PDE3A: variants seen among roughly 807,000 people sequenced by gnomAD.
The protein encoded by PDE3A is cGMP-inhibited 3',5'-cyclic phosphodiesterase 3A.
In PDE3A, 43 loss-of-function variants were observed where a neutral mutation model predicts 98.3. The observed-to-expected ratio is 0.44, with a 90% CI of 0.34 to 0.56. The LOEUF is 0.56. Ranked by LOEUF, PDE3A falls within the 20% of genes least tolerant of loss-of-function variation. The pLI, the probability that PDE3A is intolerant of heterozygous loss-of-function variation, is 0.01. For missense variants in PDE3A, 1,427 were observed against 1,440.7 expected (o/e 0.99, Z 0.15); for synonymous variants, 663 against 567.9 (o/e 1.17, Z -2.38).
At chr12:20,518,899 A>G (rs564307012) in intron 1 of PDE3A, among the ~76,000 whole-genome samples, 5 of 152,338 alleles carry the variant, frequency 3.3e-5, no homozygotes, top group African/African-American at 1.2e-4. Context: ...TATTGCATCC[A>G]TGAAGTGTAA....
chr12:20,548,740 C>A (rs957246222), intron 1 of PDE3A, among the ~76,000 whole-genome samples: 1 of 152,100 alleles, frequency 6.6e-6, no homozygotes, highest in African/African-American at 2.4e-5. Context: ...GTTTCTATTT[C>A]TTTTCCTCAT....
intron 1 of PDE3A, among the ~76,000 whole-genome samples, chr12:20,507,020 A>G (rs2121102584): frequency 6.6e-6 from 1 of 152,244 alleles, no homozygotes; most frequent in East Asian, 1.9e-4. Flanking sequence ...TTCTTTATAA[A>G]AGGTTATTAA....
intron 15 of PDE3A, among the ~76,000 whole-genome samples, chr12:20,671,392 AC>A (rs904103753): frequency 6.6e-6 from 1 of 152,184 alleles, no homozygotes; most frequent in African/African-American, 2.4e-5. Flanking sequence ...CAGAGACACA[AC>A]AAAAAAAGAT....
Position 20,590,499 on chromosome 12 carries a change from G to C in PDE3A, c.1012-22944G>C, listed in dbSNP as rs183041620. 1.5e-4 allele frequency among the ~76,000 whole-genome samples: 23 copies of C among 151,014 alleles called. No individual in the cohort carries two copies. In the East Asian group the frequency reaches 3.3e-3, roughly 22 times the overall value. ...TATCAAGAAACACAACTCAAGCTGGGTGTGGTGGCTCACGCTTCTAATCGC... is the reference window on the plus strand; with the variant it reads ...TATCAAGAAACACAACTCAAGCTGGCTGTGGTGGCTCACGCTTCTAATCGC... On this transcript the variant is annotated intron_variant, in intron 2 of 15. Transcript: ENST00000359062.
At chr12:20,381,779 G>A (rs1943668144) in intron 1 of PDE3A, among the ~76,000 whole-genome samples, 1 of 151,790 alleles carries the variant, frequency 6.6e-6, no homozygotes, top group South Asian at 2.1e-4. Flanking sequence ...AAGTAAGTTT[G>A]TTATTTAATA....
chr12:20,380,363 A>C (rs985928792), intron 1 of PDE3A, among the ~76,000 whole-genome samples: 2 of 151,890 alleles, frequency 1.3e-5, no homozygotes, highest in Non-Finnish European at 2.9e-5. Flanking sequence ...TTGCAGAATC[A>C]AGTTGAACTG....
chr12:20,424,579 AGCAAAACAAATATTTGATAGGTGGT>A (rs1944574111), intron 1 of PDE3A, among the ~76,000 whole-genome samples: 2 of 152,202 alleles, frequency 1.3e-5, no homozygotes, highest in Non-Finnish European at 2.9e-5. Context: ...ATTTATGTAA[AGCAAAACAAATATTTGATAGGTGGT>A]GTAGAATGAT....
chr12:20,618,278 G>A (rs1256096373), intron 4 of PDE3A, among the ~76,000 whole-genome samples: 1 of 152,068 alleles, frequency 6.6e-6, no homozygotes, highest in Non-Finnish European at 1.5e-5. Context: ...GCTAGTTTTG[G>A]CTTGATTATA....
intron 1 of PDE3A, among the ~76,000 whole-genome samples, chr12:20,425,881 G>C (rs536966004): frequency 6.6e-6 from 1 of 152,120 alleles, no homozygotes; most frequent in Non-Finnish European, 1.5e-5. Context: ...CTTCTTACAG[G>C]TTGTGTGATT....
intron 1 of PDE3A, among the ~76,000 whole-genome samples, chr12:20,402,415 C>A (rs1944149682): frequency 6.6e-6 from 1 of 151,946 alleles, no homozygotes; most frequent in Non-Finnish European, 1.5e-5. Flanking sequence ...TCCCAAAATG[C>A]TGAGATTATA....
chr12:20,562,123 G>A (rs4502034), intron 2 of PDE3A, among the ~76,000 whole-genome samples: 1 of 151,978 alleles, frequency 6.6e-6, no homozygotes, highest in Admixed American at 6.6e-5. Flanking sequence ...GAAATTCTCA[G>A]AAGGCAATTA....
chr12:20,472,174 C>G (rs1945450522), intron 1 of PDE3A, among the ~76,000 whole-genome samples: 1 of 152,110 alleles, frequency 6.6e-6, no homozygotes, highest in Non-Finnish European at 1.5e-5. Flanking sequence ...TCTGCATTTT[C>G]AACATGTTTC....
rs557993202 is a variant in PDE3A, at chr12:20,550,213, C to T, written c.961-6447C>T. Among the ~76,000 whole-genome samples the T allele has an allele frequency of 1.1e-4, 17 of 152,140 alleles. 1 individual carries two copies. The highest frequency in any genetic ancestry group is 4.1e-4 in the African/African-American group (17 of 41,544). On this transcript the variant is annotated intron_variant, in intron 1 of 15. Transcript: ENST00000359062. ...TTAGTTGTGATAGGAGAATTTACCA[C>T]CTTATTTTGATCCTGTTAGTTTAAA...
chr12:20,573,674 CTT>C (rs1942857836), intron 2 of PDE3A, among the ~76,000 whole-genome samples: 1 of 152,102 alleles, frequency 6.6e-6, no homozygotes, highest in Non-Finnish European at 1.5e-5. Context: ...TATCCAAACA[CTT>C]TACCATATAA....
intron 15 of PDE3A, among the ~76,000 whole-genome samples, chr12:20,671,965 C>T (rs1945494770): frequency 6.8e-6 from 1 of 147,220 alleles, no homozygotes; most frequent in Non-Finnish European, 1.5e-5. Flanking sequence ...TGTCTCAGCC[C>T]AAAATCTCCT....
chr12:20,645,347 G>GCCTAACAC, intron 10 of PDE3A, among the ~76,000 whole-genome samples: 1 of 152,070 alleles, frequency 6.6e-6, no homozygotes, highest in Admixed American at 6.6e-5. Flanking sequence ...CTACCCAGGT[G>GCCTAACAC]CTACAATTGC....
rs754034584 is a variant in PDE3A at position 20,369,330 on chromosome 12, C to T, written c.46C>T (p.His16Tyr). ...TGCACGAGTCAGGGACAAGCCCGTC[C>T]ACAGTGGGGTGAGTCAAGCCCCCAC... ...DAARVRDKPV[H>Y]SGVSQAPTAG... Residue 16 changes from histidine (H) to tyrosine (Y), a missense_variant, in exon 1 of 16, where the codon CAC (histidine) becomes TAC (tyrosine). Physicochemically the swap from His to Tyr is moderately conservative, Grantham distance 83. Coordinates refer to ENST00000359062, the MANE Select transcript of PDE3A (RefSeq NM_000921.5). The T allele has an allele frequency of 5.8e-6, 9 of 1,547,328 alleles. No homozygotes were observed. In the Admixed American group the frequency reaches 1.2e-4, roughly 20 times the overall value.
chr12:20,442,607 T>C (rs1257387768), intron 1 of PDE3A, among the ~76,000 whole-genome samples: 4 of 152,190 alleles, frequency 2.6e-5, no homozygotes, highest in Admixed American at 2.6e-4. Flanking sequence ...CGCACGGAAA[T>C]ACTTAGTTCA....
chr12:20,593,602 TGATGTTGAAGG>T (rs1176416730), intron 2 of PDE3A, among the ~76,000 whole-genome samples: 2 of 151,972 alleles, frequency 1.3e-5, no homozygotes, highest in Non-Finnish European at 2.9e-5. Flanking sequence ...CTGACCAATT[TGATGTTGAAGG>T]TAAGAAAGCA....
Sources: gnomAD v4.1 joint callset for allele counts (sites outside exome capture counted in the v4.1 genomes callset) on GRCh38, gnomAD v4.1.1 for gene constraint, MANE v1.5 for transcripts, NCBI Gene and HGNC (gene_info 2026-07-23, HGNC 2026-07-21) for gene names.